Variants in PDE3B observed in about 807,000 individuals in gnomAD.
The protein encoded by PDE3B is cGMP-inhibited 3',5'-cyclic phosphodiesterase 3B.
A neutral mutation model predicts 116.8 loss-of-function variants in PDE3B; 66 were observed. That is an observed-to-expected ratio of 0.56 (90% CI 0.46 to 0.69). The LOEUF (loss-of-function observed/expected upper bound fraction) is 0.69. Ranked by LOEUF, PDE3B falls within the 30% of genes least tolerant of loss-of-function variation. The pLI is 0.00. For synonymous variants in PDE3B, 595 were observed against 533.6 expected (o/e 1.12, Z -1.59); for missense variants, 1,384 against 1,368.1 (o/e 1.01, Z -0.18).
chr11:14,887,394 A>C, the PDE3B span: 1 of 159,280 alleles, frequency 6.3e-6, no homozygotes, highest in Non-Finnish European at 1.3e-5. Flanking sequence ...TGAGGGTAGA[A>C]CTGGAGAAAT....
chr11:14,742,498 A>G (rs1856800911), intron 1 of PDE3B, among the ~76,000 whole-genome samples: 1 of 152,016 alleles, frequency 6.6e-6, no homozygotes, highest in South Asian at 2.1e-4. Flanking sequence ...CCTTTTTTCT[A>G]GGTTCTTAGC....
chr11:14,733,315 G>A (rs1343940971), intron 1 of PDE3B, among the ~76,000 whole-genome samples: 4 of 152,084 alleles, frequency 2.6e-5, no homozygotes, highest in Admixed American at 6.6e-5. Context: ...AATAAGCTCC[G>A]ATTCTTATTT....
chr11:14,889,350 G>C, the PDE3B span, among the ~76,000 whole-genome samples: 3 of 152,128 alleles, frequency 2.0e-5, no homozygotes, highest in African/African-American at 7.2e-5. Context: ...GACTTTGTCA[G>C]AATTGGAAAA....
At chr11:14,712,647 G>A (rs1253564411) in intron 1 of PDE3B, among the ~76,000 whole-genome samples, 1 of 151,728 alleles carries the variant, frequency 6.6e-6, no homozygotes, top group Non-Finnish European at 1.5e-5. Context: ...GCTAATTTTT[G>A]TATTTTTAAT....
chr11:14,891,121 C>G, the PDE3B span: 2 of 985,468 alleles, frequency 2.0e-6, no homozygotes, highest in Non-Finnish European at 2.4e-6. Flanking sequence ...CCCGTGGAAA[C>G]TCCTGCCCCC....
chr11:14,748,959 G>A (rs1856986051), intron 1 of PDE3B, among the ~76,000 whole-genome samples: 1 of 151,336 alleles, frequency 6.6e-6, no homozygotes, highest in African/African-American at 2.4e-5. Flanking sequence ...CGCAGTCTTG[G>A]CTCACTGCAG....
At chr11:14,836,489 C>G (rs1860059049) in intron 11 of PDE3B, among the ~76,000 whole-genome samples, 1 of 152,100 alleles carries the variant, frequency 6.6e-6, no homozygotes, top group Admixed American at 6.5e-5. Context: ...TCATGCTCTT[C>G]AAAATTCAGC....
At chr11:14,738,983 C>T (rs1184872844) in intron 1 of PDE3B, among the ~76,000 whole-genome samples, 1 of 152,156 alleles carries the variant, frequency 6.6e-6, no homozygotes, top group African/African-American at 2.4e-5. Context: ...GTACTAGTAC[C>T]ATGCTGTTTT....
At chr11:14,797,579 ATTTG>A in intron 4 of PDE3B, among the ~76,000 whole-genome samples, 1 of 152,162 alleles carries the variant, frequency 6.6e-6, no homozygotes, top group Non-Finnish European at 1.5e-5. Flanking sequence ...ATGTTTTTTC[ATTTG>A]TTTGTCCTCT....
chr11:14,891,037 C>T, the PDE3B span: 8 of 985,464 alleles, frequency 8.1e-6, no homozygotes, highest in Middle Eastern at 5.2e-4. Context: ...GCCTTCTTCA[C>T]CGCTAGCGTC....
chr11:14,843,719 A>G, intron 11 of PDE3B, 108 bp from the exon 12 acceptor site: 1 of 788,884 alleles, frequency 1.3e-6, no homozygotes. Context: ...TACTTAAATC[A>G]GCAAATAAAA....
intron 7 of PDE3B, among the ~76,000 whole-genome samples, chr11:14,827,082 C>A (rs1590176192): frequency 6.6e-6 from 1 of 152,154 alleles, no homozygotes; most frequent in Admixed American, 6.5e-5. Context: ...ATGATTATCT[C>A]AATAGATGCA....
At chr11:14,811,225 A>G (rs1429729347) in intron 5 of PDE3B, among the ~76,000 whole-genome samples, 4 of 151,932 alleles carry the variant, frequency 2.6e-5, no homozygotes, top group East Asian at 1.9e-4. Flanking sequence ...TTGGTGTTTT[A>G]GACATGAAGT....
At chr11:14,789,762 C>G (rs1211917607) in intron 4 of PDE3B, among the ~76,000 whole-genome samples, 1 of 151,884 alleles carries the variant, frequency 6.6e-6, no homozygotes, top group African/African-American at 2.4e-5. Context: ...CTGAACAATG[C>G]TAATCTTATA....
At chr11:14,892,064 A>G in the PDE3B span, 1 of 1,612,444 alleles carries the variant, frequency 6.2e-7, no homozygotes, top group Non-Finnish European at 8.5e-7. Flanking sequence ...TTGCCGATAA[A>G]TGGCAGCCCC....
intron 15 of PDE3B, among the ~76,000 whole-genome samples, chr11:14,868,136 A>G (rs1555008401): frequency 6.6e-6 from 1 of 152,188 alleles, no homozygotes. Context: ...TAACTTCTAT[A>G]TGCCGGGTAC....
intron 1 of PDE3B, among the ~76,000 whole-genome samples, chr11:14,690,543 G>A (rs933985962): frequency 2.0e-5 from 3 of 151,036 alleles, no homozygotes; most frequent in Admixed American, 6.6e-5. Flanking sequence ...TGTTTATGAT[G>A]CTGTGACTTT....
At chr11:14,686,552 T>C (rs948346719) in intron 1 of PDE3B, among the ~76,000 whole-genome samples, 7 of 152,070 alleles carry the variant, frequency 4.6e-5, no homozygotes, top group African/African-American at 1.7e-4. Flanking sequence ...CAGGAAAACA[T>C]CTAGCTTTCT....
intron 1 of PDE3B, among the ~76,000 whole-genome samples, chr11:14,700,266 A>T (rs1020525628): frequency 6.6e-6 from 1 of 151,760 alleles, no homozygotes; most frequent in Non-Finnish European, 1.5e-5. Flanking sequence ...GTATTAATAG[A>T]TTTGGTAGTT....
Sources: gnomAD v4.1 joint callset for allele counts (sites outside exome capture counted in the v4.1 genomes callset) on GRCh38, gnomAD v4.1.1 for gene constraint, MANE v1.5 for transcripts, NCBI Gene and HGNC (gene_info 2026-07-23, HGNC 2026-07-21) for gene names.